ABCA13: variants seen among roughly 807,000 people sequenced by gnomAD.
The protein encoded by ABCA13 is ATP-binding cassette sub-family A member 13.
A neutral mutation model predicts 478.7 loss-of-function variants in ABCA13; 476 were observed. The observed-to-expected ratio is 0.99, with a 90% CI of 0.92 to 1.07. The LOEUF (loss-of-function observed/expected upper bound fraction) is 1.07. ABCA13 is among the 50% of genes least tolerant of loss of function. ABCA13 has a pLI of 0.00. For synonymous variants in ABCA13, 2,252 were observed against 2,158.9 expected (o/e 1.04, Z -1.20); for missense variants, 6,060 against 5,910.6 (o/e 1.03, Z -0.83).
chr7:48,564,354 C>T (rs1227098366), intron 55 of ABCA13, among the ~76,000 whole-genome samples: 2 of 151,716 alleles, frequency 1.3e-5, no homozygotes, highest in Non-Finnish European at 2.9e-5. Context: ...GAGGCATTAT[C>T]ATCTTATGGC....
chr7:48,393,597 A>G (rs908319775), intron 38 of ABCA13, among the ~76,000 whole-genome samples: 1 of 152,220 alleles, frequency 6.6e-6, no homozygotes, highest in Non-Finnish European at 1.5e-5. Flanking sequence ...GAAAGCTCAC[A>G]GGGTTTGGGT....
intron 59 of ABCA13, among the ~76,000 whole-genome samples, chr7:48,633,972 A>ATAGG: frequency 7.1e-6 from 1 of 141,330 alleles, no homozygotes; most frequent in Non-Finnish European, 1.6e-5. Context: ...AGATAGATAG[A>ATAGG]TAGATAGATG....
chr7:48,334,758 G>A (rs1476377036), intron 27 of ABCA13, among the ~76,000 whole-genome samples: 2 of 152,170 alleles, frequency 1.3e-5, no homozygotes, highest in East Asian at 3.8e-4. Context: ...GGGAGATGTG[G>A]TTAGACTCTC....
intron 52 of ABCA13, among the ~76,000 whole-genome samples, chr7:48,518,165 C>A (rs1832272443): frequency 1.3e-5 from 2 of 152,094 alleles, no homozygotes; most frequent in Admixed American, 6.6e-5. Context: ...CTTGCAGAAC[C>A]ATTGATTGGC....
At position 48,297,281 on chromosome 7, in the gene ABCA13, A is replaced by T. The variant is rs1341826311; in HGVS notation, c.9169A>T (p.Thr3057Ser). The stretch of plus-strand genomic sequence containing the variant: ...TTGGTCATCAGGGAATCCCATCATG[A>T]CTTTTCTCAGCAATTTCACAGTAAC... ...ETWSSGNPIM[T>S]FLSNFTVTED... The change falls in exon 22 of 62, where the codon ACT (threonine) becomes TCT (serine). Residue 3057 changes from threonine to serine, a missense_variant. Coordinates refer to ENST00000435803, the MANE Select transcript of ABCA13 (RefSeq NM_152701.5). 1 of 1,609,434 alleles carries T rather than the reference A, an allele frequency of 6.2e-7. No homozygotes were observed. Among genetic ancestry groups the T allele is most frequent in the Non-Finnish European group, 8.5e-7 (1 of 1,177,858 alleles).
Position 48,584,850 on chromosome 7 carries a change from C to T in ABCA13, c.14506-2304C>T, listed in dbSNP as rs533515568. ...AAATTGGTTTCATTAAATGTTGATT[C>T]GGTTAAAGCGGTCTCCAAGAACATA... On this transcript the variant is annotated intron_variant, in intron 56 of 61. Transcript: ENST00000435803. 5.3e-5 allele frequency among the ~76,000 whole-genome samples: 8 copies of T among 152,194 alleles called. 1 individual carries two copies. Among genetic ancestry groups the T allele is most frequent in the East Asian group, 1.9e-4 (1 of 5,178 alleles).
intron 17 of ABCA13, 87 bp downstream of exon 17, chr7:48,276,652 C>T (rs1317152475): frequency 2.7e-6 from 3 of 1,096,970 alleles, no homozygotes; most frequent in Admixed American, 2.1e-5. Context: ...ATGTCAAAAA[C>T]AGTATTTGTA....
chr7:48,643,559 G>C (rs1342005250), intron 60 of ABCA13, among the ~76,000 whole-genome samples, 166 bp downstream of exon 60: 1 of 152,176 alleles, frequency 6.6e-6, no homozygotes, highest in East Asian at 1.9e-4. Context: ...AGCATGGATA[G>C]CTGATATTGC....
chr7:48,541,674 A>C (rs1201118434), intron 55 of ABCA13, among the ~76,000 whole-genome samples: 1 of 151,402 alleles, frequency 6.6e-6, no homozygotes, highest in Non-Finnish European at 1.5e-5. Flanking sequence ...GTCACAATCA[A>C]TGAGACAGAA....
intron 43 of ABCA13, among the ~76,000 whole-genome samples, chr7:48,463,340 AG>A (rs1826476763): frequency 6.6e-6 from 1 of 152,148 alleles, no homozygotes; most frequent in Non-Finnish European, 1.5e-5. Context: ...CTGGGCTGCC[AG>A]TACTTTCTGT....
chr7:48,206,270 A>G (rs901818196), intron 3 of ABCA13, among the ~76,000 whole-genome samples: 64 of 152,342 alleles, frequency 4.2e-4, no homozygotes, highest in African/African-American at 1.5e-3. Flanking sequence ...GAATTATAAT[A>G]CCATATCTTA....
At chr7:48,315,654 A>G (rs1802482655) in intron 26 of ABCA13, among the ~76,000 whole-genome samples, 1 of 151,670 alleles carries the variant, frequency 6.6e-6, no homozygotes, top group African/African-American at 2.4e-5. Flanking sequence ...ATTTTTTTGT[A>G]TTTTTAGTAG....
intron 15 of ABCA13, among the ~76,000 whole-genome samples, chr7:48,252,214 C>T (rs1021471147): frequency 6.6e-6 from 1 of 151,528 alleles, no homozygotes. Context: ...TTTCTTTGCT[C>T]CTCTGATTTG....
intron 42 of ABCA13, among the ~76,000 whole-genome samples, chr7:48,431,094 T>G (rs991596670): frequency 6.6e-6 from 1 of 152,230 alleles, no homozygotes; most frequent in Admixed American, 6.5e-5. Flanking sequence ...TTTCTTTCAT[T>G]TCTTATTTAG....
At chr7:48,223,934 G>A (rs1292341822) in intron 5 of ABCA13, among the ~76,000 whole-genome samples, 5 of 149,216 alleles carry the variant, frequency 3.4e-5, no homozygotes, top group Non-Finnish European at 7.4e-5. Flanking sequence ...ACTCCAGCCT[G>A]GGTGACAGAG....
At chr7:48,368,720 TACAC>T (rs1299881870) in intron 32 of ABCA13, among the ~76,000 whole-genome samples, 3 of 126,896 alleles carry the variant, frequency 2.4e-5, no homozygotes, top group African/African-American at 5.6e-5. Flanking sequence ...TATATACACA[TACAC>T]ACACACATTT....
At position 48,279,779 on chromosome 7, in the gene ABCA13, C is replaced by T; in HGVS notation, c.8585C>T (p.Thr2862Ile). 1.2e-6 allele frequency: 2 copies of T among 1,606,584 alleles called. No homozygotes were observed. Among genetic ancestry groups the T allele is most frequent in the East Asian group, 2.2e-5 (1 of 44,780 alleles). The change falls in exon 18 of 62, where the codon ACA (threonine) becomes ATA (isoleucine). Residue 2862 changes from threonine (T) to isoleucine (I), a missense_variant. Thr to Ile is a moderately conservative substitution (Grantham distance 89). Transcript: ENST00000435803. ...AAAGCAACCACCGGAAAGAATGTCACATCAGAAAAAGAAGAGAGAACCAAG... is the reference window on the plus strand; with the variant it reads ...AAAGCAACCACCGGAAAGAATGTCATATCAGAAAAAGAAGAGAGAACCAAG... ...FIKATTGKNV[T>I]SEKEERTKKE...
At chr7:48,517,051 A>G (rs1414858301) in intron 52 of ABCA13, among the ~76,000 whole-genome samples, 170 bp downstream of exon 52, 1 of 152,170 alleles carries the variant, frequency 6.6e-6, no homozygotes, top group Non-Finnish European at 1.5e-5. Flanking sequence ...CAAAAAACAC[A>G]TTGCCGTTAT....
At chr7:48,603,486 T>A (rs1255782655) in intron 58 of ABCA13, among the ~76,000 whole-genome samples, 1 of 152,184 alleles carries the variant, frequency 6.6e-6, no homozygotes, top group Non-Finnish European at 1.5e-5. Flanking sequence ...ATTGAGATAA[T>A]CATGTGGTTT....
Sources: gnomAD v4.1 joint callset for allele counts (sites outside exome capture counted in the v4.1 genomes callset) on GRCh38, gnomAD v4.1.1 for gene constraint, MANE v1.5 for transcripts, NCBI Gene and HGNC (gene_info 2026-07-23, HGNC 2026-07-21) for gene names.